Variants in TMEM51 observed in about 807,000 individuals in gnomAD.
The protein encoded by TMEM51 is chromosome 1 open reading frame 72.
In TMEM51, 8 loss-of-function variants were observed where a neutral mutation model predicts 13.6. The observed-to-expected ratio is 0.59, with a 90% confidence interval of 0.35 to 1.07. The LOEUF (loss-of-function observed/expected upper bound fraction) is 1.07, where lower values mean the gene tolerates loss of function less well. Among genes scored for constraint, TMEM51 ranks in the 50% least tolerant of loss-of-function variants. TMEM51 has a pLI of 0.02. For missense variants in TMEM51, 279 were observed against 330.7 expected (o/e 0.84, Z 1.21); for synonymous variants, 147 against 144.4 (o/e 1.02, Z -0.13).
At chr1:15,191,066 C>T (rs965608137) in intron 1 of TMEM51, among the ~76,000 whole-genome samples, 1 of 152,198 alleles carries the variant, frequency 6.6e-6, no homozygotes, top group African/African-American at 2.4e-5. Flanking sequence ...GGATTACAGG[C>T]GTGAGCCACT....
chr1:15,178,977 G>A (rs114857745), intron 1 of TMEM51, among the ~76,000 whole-genome samples: 2,099 of 152,188 alleles, frequency 0.014, 40 homozygotes, highest in African/African-American at 0.043. Flanking sequence ...ACCCAGAATC[G>A]GTTCAACTTT....
intron 3 of TMEM51, among the ~76,000 whole-genome samples, 191 bp from the exon 4 acceptor site, chr1:15,219,134 CA>C (rs1644472902): frequency 6.6e-6 from 1 of 152,220 alleles, no homozygotes; most frequent in Admixed American, 6.5e-5. Context: ...GAAATTGGTT[CA>C]TATTTGCTAA....
chr1:15,154,916 A>G (rs1242563834), intron 1 of TMEM51, among the ~76,000 whole-genome samples: 1 of 152,102 alleles, frequency 6.6e-6, no homozygotes, highest in African/African-American at 2.4e-5. Flanking sequence ...TGGGCGGGGC[A>G]GGGACCCGAA....
intron 2 of TMEM51, 136 bp from the exon 3 acceptor site, chr1:15,214,759 A>C (rs539279110): frequency 1.0e-5 from 3 of 289,378 alleles, no homozygotes; most frequent in Non-Finnish European, 1.3e-5. Flanking sequence ...TCTGGAATGC[A>C]TCAAAGGCGA....
rs181195074 is a variant in TMEM51 at position 15,171,366 on chromosome 1, G to A, written c.-267+17412G>A. The A allele has an allele frequency of 2.3e-3, 2,843 of 1,259,762 alleles. 57 individuals are homozygous for A. In the African/African-American group the frequency reaches 0.037, roughly 16 times the overall value. 78.0% of individuals were successfully genotyped at this position (1,259,762 alleles called of 1,614,324 possible). On this transcript the variant is annotated intron_variant, in intron 1 of 3. Coordinates refer to ENST00000376008, the MANE Select transcript of TMEM51 (RefSeq NM_001136218.2). ...GAATTAGTTCTTATGCATTCATAGGGGGGGCGGCAGAAAGGAAGGTGGAAG... is the reference window on the plus strand; with the variant it reads ...GAATTAGTTCTTATGCATTCATAGGAGGGGCGGCAGAAAGGAAGGTGGAAG...
At chr1:15,197,368 AC>A (rs1396551844) in intron 1 of TMEM51, among the ~76,000 whole-genome samples, 2 of 152,022 alleles carry the variant, frequency 1.3e-5, no homozygotes, top group Non-Finnish European at 2.9e-5. Flanking sequence ...GGCAGGTAAA[AC>A]AACAGCATCC....
chr1:15,174,294 G>C (rs922212114), intron 1 of TMEM51, among the ~76,000 whole-genome samples: 1 of 152,136 alleles, frequency 6.6e-6, no homozygotes, highest in African/African-American at 2.4e-5. Context: ...CCAGGCTGGA[G>C]TACAGTGGCT....
chr1:15,173,409 CG>C lies in TMEM51; in HGVS notation c.-267+19459del, dbSNP rs913895070. Among the ~76,000 whole-genome samples the C allele has an allele frequency of 2.0e-5, 3 of 151,536 alleles. 1 individual carries two copies. Among genetic ancestry groups the C allele is most frequent in the African/African-American group, 7.3e-5 (3 of 41,272 alleles). ...TAATTTTTTGTATTTTTAGTAGAGA[CG>C]GGGTTTCACCATGTTGGCCAGGCTG... On this transcript the variant is annotated intron_variant, in intron 1 of 3. Coordinates refer to ENST00000376008, the MANE Select transcript of TMEM51 (RefSeq NM_001136218.2).
chr1:15,177,545 G>T (rs1445450618), intron 1 of TMEM51, among the ~76,000 whole-genome samples: 2 of 152,202 alleles, frequency 1.3e-5, no homozygotes, highest in Admixed American at 1.3e-4. Flanking sequence ...GCAAGCAGCT[G>T]GATCCCAAAT....
chr1:15,173,026 A>G (rs549384530), intron 1 of TMEM51, among the ~76,000 whole-genome samples: 7 of 152,242 alleles, frequency 4.6e-5, no homozygotes, highest in Admixed American at 1.3e-4. Flanking sequence ...AATGGGCTCA[A>G]TGCCTACCTT....
rs974870922 is a variant in TMEM51, at chr1:15,207,212, C to T, written c.-266-3278C>T. 2.0e-5 allele frequency among the ~76,000 whole-genome samples: 3 copies of T among 152,178 alleles called. No individual in the cohort carries two copies. Among genetic ancestry groups the T allele is most frequent in the African/African-American group, 7.2e-5 (3 of 41,442 alleles). On this transcript the variant is annotated intron_variant, in intron 1 of 3. Transcript: ENST00000376008. The surrounding 1 kb of genome is among the most constrained non-coding windows in gnomAD (Gnocchi z 4.6). ...GCCCCTCTGTCATGGGGGTTGGTAG[C>T]ACCGCCAGCCGCCTCCGACTGGCAA...
At chr1:15,155,599 G>A (rs942350678) in intron 1 of TMEM51, among the ~76,000 whole-genome samples, 7 of 152,198 alleles carry the variant, frequency 4.6e-5, no homozygotes, top group African/African-American at 1.7e-4. Context: ...AGGGAACAGG[G>A]GAGGAAGGGT....
intron 1 of TMEM51, among the ~76,000 whole-genome samples, chr1:15,178,040 C>T (rs375462762): frequency 3.3e-5 from 5 of 152,212 alleles, no homozygotes; most frequent in South Asian, 2.1e-4. Flanking sequence ...AGCTGGGAGT[C>T]GAACCTAGAA....
chr1:15,206,242 A>G (rs2100330376), intron 1 of TMEM51, among the ~76,000 whole-genome samples: 1 of 145,520 alleles, frequency 6.9e-6, no homozygotes, highest in East Asian at 1.9e-4. Flanking sequence ...AAAAAAAAAA[A>G]AAAAGAGAGA....
chr1:15,206,640 C>T (rs950876540), intron 1 of TMEM51, among the ~76,000 whole-genome samples: 6 of 152,302 alleles, frequency 3.9e-5, no homozygotes, highest in African/African-American at 9.6e-5. Flanking sequence ...CCGTGAGGAT[C>T]GGGTGAGTTT....
At chr1:15,166,950 T>C (rs1330077118) in intron 1 of TMEM51, among the ~76,000 whole-genome samples, 1 of 152,150 alleles carries the variant, frequency 6.6e-6, no homozygotes, top group East Asian at 1.9e-4. Flanking sequence ...TCTGTCCTTA[T>C]AGTTTTGCCC....
intron 1 of TMEM51, among the ~76,000 whole-genome samples, chr1:15,176,854 C>G (rs1643470535): frequency 6.6e-6 from 1 of 152,158 alleles, no homozygotes; most frequent in Non-Finnish European, 1.5e-5. Context: ...CTAGGGAAGA[C>G]TTAGAGGAGT....
chr1:15,191,048 A>G (rs1193632075), intron 1 of TMEM51, among the ~76,000 whole-genome samples: 1 of 152,158 alleles, frequency 6.6e-6, no homozygotes. Flanking sequence ...TGGCCTCCCA[A>G]AGTGCTGGGA....
rs1404025997 is a variant in TMEM51, at chr1:15,161,266, G to A, written c.-267+7312G>A. Among the ~76,000 whole-genome samples the A allele has an allele frequency of 1.3e-5, 2 of 152,020 alleles. No individual in the cohort carries two copies. The highest frequency in any genetic ancestry group is 2.9e-5 in the Non-Finnish European group (2 of 68,026). On this transcript the variant is annotated intron_variant, in intron 1 of 3. Transcript: ENST00000376008. The surrounding 1 kb of genome is among the most constrained non-coding windows in gnomAD (Gnocchi z 4.0). ...TCATACCTGTAATCCCAGCACTTTG[G>A]GAGGCCAAAGCAGGTGGATTGCTTG...
Sources: gnomAD v4.1 joint callset for allele counts (sites outside exome capture counted in the v4.1 genomes callset) on GRCh38, gnomAD v4.1.1 for gene constraint, Gnocchi (gnomAD v3.1) non-coding constraint, MANE v1.5 for transcripts, NCBI Gene and HGNC (gene_info 2026-07-23, HGNC 2026-07-21) for gene names.